GADL1: variants seen among roughly 807,000 people sequenced by gnomAD.
The protein encoded by GADL1 is acidic amino acid decarboxylase GADL1.
Under a neutral mutation model 69.5 loss-of-function variants are expected in GADL1, and 71 were observed. The ratio of observed to expected loss-of-function variants is 1.02; its 90% CI spans 0.84 to 1.25. The LOEUF (loss-of-function observed/expected upper bound fraction) is 1.25, where lower values mean the gene tolerates loss of function less well. Among genes scored for constraint, GADL1 ranks in the 50% most tolerant of loss-of-function variants. The pLI is 0.00. For synonymous variants in GADL1, 254 were observed against 214.4 expected (o/e 1.18, Z -1.62); for missense variants, 737 against 631.8 (o/e 1.17, Z -1.79).
At chr3:30,844,579 T>C (rs1360109837) in intron 6 of GADL1, 113 bp from the exon 7 acceptor site, 3 of 741,100 alleles carry the variant, frequency 4.0e-6, no homozygotes, top group Non-Finnish European at 7.1e-6. Flanking sequence ...CTTTGGGACA[T>C]TATTGCATAA....
intron 14 of GADL1, among the ~76,000 whole-genome samples, chr3:30,776,308 T>C (rs1696535229): frequency 6.6e-6 from 1 of 152,218 alleles, no homozygotes; most frequent in African/African-American, 2.4e-5. Flanking sequence ...TTGTAATTTC[T>C]TTCTCTACCC....
intron 14 of GADL1, 68 bp from the exon 15 acceptor site, chr3:30,728,483 C>T (rs1450373416): frequency 5.4e-5 from 72 of 1,326,424 alleles, no homozygotes; most frequent in Non-Finnish European, 7.0e-5. Context: ...AGCATTTTCA[C>T]CAGCCATTGG....
At chr3:30,756,100 G>T (rs540211299) in intron 14 of GADL1, among the ~76,000 whole-genome samples, 223 of 152,316 alleles carry the variant, frequency 1.5e-3, no homozygotes, top group Non-Finnish European at 2.7e-3. Flanking sequence ...CAGGGAACCA[G>T]CAGCAGCAGA....
At chr3:30,870,292 G>C (rs987617370) in intron 1 of GADL1, among the ~76,000 whole-genome samples, 3 of 151,776 alleles carry the variant, frequency 2.0e-5, no homozygotes, top group African/African-American at 4.9e-5. Context: ...GAAGATATCT[G>C]AATTGAGTTG....
intron 9 of GADL1, among the ~76,000 whole-genome samples, chr3:30,836,397 TAAA>T: frequency 6.9e-6 from 1 of 144,804 alleles, no homozygotes; most frequent in Non-Finnish European, 1.5e-5. Flanking sequence ...ATTTATTCCT[TAAA>T]AAAAAAAAAA....
chr3:30,835,425 G>A (rs1458411618), intron 9 of GADL1, among the ~76,000 whole-genome samples: 5 of 152,010 alleles, frequency 3.3e-5, no homozygotes, highest in African/African-American at 4.8e-5. Context: ...AGATATGGAA[G>A]ATAAAGAAAA....
intron 14 of GADL1, among the ~76,000 whole-genome samples, chr3:30,740,656 C>A (rs1476436346): frequency 1.3e-5 from 2 of 151,962 alleles, no homozygotes; most frequent in Admixed American, 6.6e-5. Flanking sequence ...TACTTTCTTA[C>A]TCTCCCATAT....
At chr3:30,764,687 T>C (rs1192130233) in intron 14 of GADL1, among the ~76,000 whole-genome samples, 2 of 152,206 alleles carry the variant, frequency 1.3e-5, no homozygotes, top group Non-Finnish European at 2.9e-5. Flanking sequence ...CATCTTACAC[T>C]TAAGAATTGT....
chr3:30,820,462 A>T (rs537688254), intron 11 of GADL1, among the ~76,000 whole-genome samples: 10 of 152,206 alleles, frequency 6.6e-5, no homozygotes, highest in Admixed American at 1.3e-4. Flanking sequence ...ATGCAAGAGA[A>T]TAACTTAAAA....
At chr3:30,873,047 G>C (rs9863994) in intron 1 of GADL1, among the ~76,000 whole-genome samples, 31,997 of 151,732 alleles carry the variant, frequency 0.21, 3,920 homozygotes, top group East Asian at 0.33. Flanking sequence ...AGGTCAGTGT[G>C]TATAGTGCAG....
intron 14 of GADL1, among the ~76,000 whole-genome samples, chr3:30,768,553 GA>G (rs1696340937): frequency 8.1e-6 from 1 of 124,010 alleles, no homozygotes; most frequent in East Asian, 2.5e-4. Flanking sequence ...AGAAGAGGGG[GA>G]GAGAGAAGGG....
At chr3:30,741,187 A>T in intron 14 of GADL1, among the ~76,000 whole-genome samples, 1 of 102,086 alleles carries the variant, frequency 9.8e-6, no homozygotes, top group Non-Finnish European at 1.8e-5. Flanking sequence ...ATATTATATA[A>T]TTATGTGTGT....
intron 9 of GADL1, among the ~76,000 whole-genome samples, chr3:30,837,391 A>G (rs900054736): frequency 6.6e-6 from 1 of 152,108 alleles, no homozygotes; most frequent in Admixed American, 6.6e-5. Flanking sequence ...GTCAAATTTA[A>G]TCTAATACTA....
At chr3:30,882,218 G>A (rs1450134073) in intron 1 of GADL1, among the ~76,000 whole-genome samples, 2 of 151,908 alleles carry the variant, frequency 1.3e-5, no homozygotes, top group East Asian at 3.9e-4. Context: ...CAGCTCAGTA[G>A]TGTTAAGTAT....
At chr3:30,744,029 T>C (rs1230232423) in intron 14 of GADL1, among the ~76,000 whole-genome samples, 3 of 152,126 alleles carry the variant, frequency 2.0e-5, no homozygotes, top group Admixed American at 1.3e-4. Flanking sequence ...GATCAAGAAA[T>C]ACACCTTTGT....
intron 1 of GADL1, among the ~76,000 whole-genome samples, chr3:30,865,284 AAT>A (rs5847673): frequency 0.01 from 1,245 of 121,500 alleles, 13 homozygotes; most frequent in African/African-American, 0.046. Context: ...CACGTAAATT[AAT>A]ATATATATAT....
intron 1 of GADL1, among the ~76,000 whole-genome samples, chr3:30,867,382 TC>T (rs1698418479): frequency 6.8e-6 from 1 of 147,098 alleles, no homozygotes; most frequent in Non-Finnish European, 1.5e-5. Context: ...TAAATATGCA[TC>T]AATCTCCGAG....
chr3:30,814,483 C>G (rs1697423240), intron 11 of GADL1, among the ~76,000 whole-genome samples: 1 of 152,160 alleles, frequency 6.6e-6, no homozygotes, highest in African/African-American at 2.4e-5. Context: ...TGATCTCTAT[C>G]ACAACCACTG....
intron 14 of GADL1, among the ~76,000 whole-genome samples, chr3:30,756,050 C>G (rs1200254695): frequency 6.6e-6 from 1 of 152,012 alleles, no homozygotes; most frequent in Admixed American, 6.6e-5. Flanking sequence ...TGCAGGAGAC[C>G]TAGGGCTGTG....
Sources: gnomAD v4.1 joint callset for allele counts (sites outside exome capture counted in the v4.1 genomes callset) on GRCh38, gnomAD v4.1.1 for gene constraint, MANE v1.5 for transcripts, NCBI Gene and HGNC (gene_info 2026-07-23, HGNC 2026-07-21) for gene names.